The following ST6GALNAC3 variants were observed in gnomAD, a reference collection of about 807,000 sequenced individuals.
The protein encoded by ST6GALNAC3 is ST6 N-acetylgalactosaminide alpha-2,6-sialyltransferase 3.
ST6GALNAC3 carries 25 observed loss-of-function variants against 32.7 expected under a neutral mutation model. The ratio of observed to expected loss-of-function variants is 0.76; its 90% CI spans 0.56 to 1.07. The LOEUF is 1.07. Ranked by LOEUF, ST6GALNAC3 falls within the 50% of genes least tolerant of loss-of-function variation. The pLI is 0.00. For synonymous variants in ST6GALNAC3, 129 were observed against 133.1 expected, an observed-to-expected ratio of 0.97 and a Z score of 0.21; for missense variants, 355 against 382.4, an observed-to-expected ratio of 0.93 and a Z score of 0.60.
intron 3 of ST6GALNAC3, among the ~76,000 whole-genome samples, chr1:76,464,266 A>G (rs1658481416): frequency 6.6e-6 from 1 of 152,188 alleles, no homozygotes; most frequent in African/African-American, 2.4e-5. Flanking sequence ...CGTTTCCAGG[A>G]AGCCATCTTA....
chr1:76,436,516 G>T (rs1448918634), intron 3 of ST6GALNAC3, among the ~76,000 whole-genome samples: 2 of 151,980 alleles, frequency 1.3e-5, no homozygotes, highest in South Asian at 4.2e-4. Flanking sequence ...ACCTGTTTGT[G>T]GTGCATCAGC....
At chr1:76,391,592 T>A (rs1652566399) in intron 2 of ST6GALNAC3, among the ~76,000 whole-genome samples, 1 of 28,078 alleles carries the variant, frequency 3.6e-5, no homozygotes. Flanking sequence ...CCTTTCACCT[T>A]CCCCTTCCCC....
At chr1:76,258,968 G>C (rs1352837458) in intron 1 of ST6GALNAC3, among the ~76,000 whole-genome samples, 1 of 152,126 alleles carries the variant, frequency 6.6e-6, no homozygotes, top group East Asian at 1.9e-4. Context: ...ACTCTTAAAC[G>C]CTTTCAAATG....
chr1:76,151,142 G>A (rs568754129), intron 1 of ST6GALNAC3, among the ~76,000 whole-genome samples: 1 of 152,290 alleles, frequency 6.6e-6, no homozygotes, highest in African/African-American at 2.4e-5. Context: ...ACGGGGAAGA[G>A]GGGAGATGTG....
At chr1:76,215,922 G>A (rs1392776820) in intron 1 of ST6GALNAC3, among the ~76,000 whole-genome samples, 4 of 152,272 alleles carry the variant, frequency 2.6e-5, no homozygotes, top group East Asian at 1.9e-4. Context: ...CTTGCCAGGC[G>A]CTGGAGATTT....
At chr1:76,312,835 G>A (rs943324781) in intron 1 of ST6GALNAC3, among the ~76,000 whole-genome samples, 7 of 152,082 alleles carry the variant, frequency 4.6e-5, no homozygotes, top group Admixed American at 2.0e-4. Flanking sequence ...ACTACTGTAC[G>A]CCTATGAGTA....
chr1:76,157,717 A>C (rs894874427), intron 1 of ST6GALNAC3, among the ~76,000 whole-genome samples: 2 of 152,160 alleles, frequency 1.3e-5, no homozygotes, highest in African/African-American at 4.8e-5. Context: ...GGTTTTCACA[A>C]ATGCATAATA....
At chr1:76,343,072 G>A (rs566157355) in intron 2 of ST6GALNAC3, among the ~76,000 whole-genome samples, 6 of 152,164 alleles carry the variant, frequency 3.9e-5, no homozygotes, top group African/African-American at 7.2e-5. Flanking sequence ...AAGCCCGTCC[G>A]TTTAATTCAG....
chr1:76,317,494 G>A (rs1646887221), intron 2 of ST6GALNAC3, among the ~76,000 whole-genome samples: 1 of 152,126 alleles, frequency 6.6e-6, no homozygotes, highest in Non-Finnish European at 1.5e-5. Context: ...CTAATTCTGA[G>A]AAGGTCAATA....
chr1:76,578,630 C>T (rs1212411182), intron 3 of ST6GALNAC3, among the ~76,000 whole-genome samples: 2 of 151,902 alleles, frequency 1.3e-5, no homozygotes, highest in African/African-American at 4.8e-5. Context: ...TTTCTCCAGG[C>T]TAAAATAAAC....
At chr1:76,238,949 T>C (rs1160739909) in intron 1 of ST6GALNAC3, among the ~76,000 whole-genome samples, 2 of 44,482 alleles carry the variant, frequency 4.5e-5, no homozygotes, top group African/African-American at 2.7e-4. Context: ...CCCACTAACC[T>C]TTTTTTTTTT....
At chr1:76,626,501 A>G (rs1275271637) in intron 3 of ST6GALNAC3, among the ~76,000 whole-genome samples, 1 of 151,932 alleles carries the variant, frequency 6.6e-6, no homozygotes, top group Admixed American at 6.6e-5. Context: ...CAGATGCCCA[A>G]TCAGCACTTC....
At chr1:76,088,269 C>A (rs1179368529) in intron 1 of ST6GALNAC3, among the ~76,000 whole-genome samples, 1 of 152,162 alleles carries the variant, frequency 6.6e-6, no homozygotes, top group Non-Finnish European at 1.5e-5. Context: ...ACTTTGTTTC[C>A]TTTGCCACTT....
At chr1:76,098,302 A>G (rs936851559) in intron 1 of ST6GALNAC3, among the ~76,000 whole-genome samples, 4 of 152,208 alleles carry the variant, frequency 2.6e-5, no homozygotes, top group Admixed American at 6.5e-5. Flanking sequence ...GCACGATCAC[A>G]ATGCTTTTTT....
At chr1:76,089,550 G>C (rs544120612) in intron 1 of ST6GALNAC3, among the ~76,000 whole-genome samples, 16 of 152,278 alleles carry the variant, frequency 1.1e-4, no homozygotes, top group African/African-American at 2.9e-4. Context: ...GTATCAAAAG[G>C]GTCAAGCCAA....
chr1:76,352,598 A>G lies in ST6GALNAC3; in HGVS notation c.213+38599A>G, dbSNP rs139279250. Among the ~76,000 whole-genome samples, 465 of 149,548 alleles carry G rather than the reference A, an allele frequency of 3.1e-3. 3 individuals carry two copies. Among genetic ancestry groups the G allele is most frequent in the African/African-American group, 0.011 (427 of 40,530 alleles). The stretch of plus-strand genomic sequence containing the variant: ...TTCTCTATCTGCATTTTATTCCTGA[A>G]TGACCTAATCTAATTACATTGCTTT... On this transcript the variant is annotated intron_variant, in intron 2 of 4. Transcript: ENST00000328299.
chr1:76,365,869 A>ACAATCT (rs1454496797), intron 2 of ST6GALNAC3, among the ~76,000 whole-genome samples: 2 of 152,166 alleles, frequency 1.3e-5, no homozygotes, highest in Non-Finnish European at 2.9e-5. Flanking sequence ...TGATGTATAC[A>ACAATCT]TCAATAAACA....
intron 2 of ST6GALNAC3, among the ~76,000 whole-genome samples, chr1:76,348,090 G>T (rs992015162): frequency 6.6e-6 from 1 of 152,142 alleles, no homozygotes; most frequent in African/African-American, 2.4e-5. Context: ...AGTTCTGAAA[G>T]CAAGTGTTTA....
intron 1 of ST6GALNAC3, among the ~76,000 whole-genome samples, chr1:76,197,793 T>C (rs1443715032): frequency 6.0e-4 from 92 of 152,264 alleles, no homozygotes; most frequent in Non-Finnish European, 7.4e-5. Context: ...ATCAACATTT[T>C]GGGCTGGATA....
Sources: allele counts gnomAD v4.1 joint callset (sites outside exome capture counted in the v4.1 genomes callset), GRCh38; gene constraint gnomAD v4.1.1; transcripts MANE v1.5; gene names NCBI Gene and HGNC (gene_info 2026-07-23, HGNC 2026-07-21).